PBX3: variants seen among roughly 807,000 people sequenced by gnomAD.
PBX3 encodes the protein PBX homeobox 3, also known as pre-B-cell leukemia transcription factor 3.
Under a neutral mutation model 48.5 loss-of-function variants are expected in PBX3, and 14 were observed. The observed-to-expected ratio is 0.29, with a 90% confidence interval of 0.19 to 0.45. The LOEUF (loss-of-function observed/expected upper bound fraction) is 0.45, where lower values mean the gene tolerates loss of function less well. Ranked by LOEUF, PBX3 falls within the 20% of genes least tolerant of loss-of-function variation. The probability of loss-of-function intolerance (pLI) is 1.00; values close to 1 mark genes in which losing one functional copy is unlikely to be tolerated. For missense variants in PBX3, 386 were observed against 546.7 expected (o/e 0.71, Z 2.93); for synonymous variants, 210 against 200.3 (o/e 1.05, Z -0.41).
At chr9:125,922,095 G>C (rs1203194177) in intron 3 of PBX3, among the ~76,000 whole-genome samples, 1 of 152,078 alleles carries the variant, frequency 6.6e-6, no homozygotes, top group African/African-American at 2.4e-5. Flanking sequence ...ACAAAATAAA[G>C]AAAACACCGA....
intron 2 of PBX3, among the ~76,000 whole-genome samples, chr9:125,819,493 C>T (rs1300155222): frequency 6.6e-6 from 1 of 151,884 alleles, no homozygotes; most frequent in Non-Finnish European, 1.5e-5. Flanking sequence ...CCATTGCACT[C>T]CAGCCTGGGC....
At chr9:125,930,975 A>G (rs999430206) in intron 4 of PBX3, among the ~76,000 whole-genome samples, 1 of 152,166 alleles carries the variant, frequency 6.6e-6, no homozygotes, top group Non-Finnish European at 1.5e-5. Flanking sequence ...TGAAGATTTT[A>G]TTATTCTTTT....
chr9:125,752,774 ATATAT>A lies in PBX3; in HGVS notation c.274+4154_274+4158del, dbSNP rs1836411859. 3.3e-5 allele frequency among the ~76,000 whole-genome samples: 5 copies of A among 152,298 alleles called. No individual in the cohort carries two copies. In the South Asian group the frequency reaches 1.0e-3, roughly 32 times the overall value. On this transcript the variant is annotated intron_variant, in intron 2 of 8. Transcript: ENST00000373489. ...TTTAGCAAGAAAGGTGAAAATTGTT[ATATAT>A]TAGTCTAAATGTTATTATATATTTT...
intron 2 of PBX3, among the ~76,000 whole-genome samples, chr9:125,888,373 A>G (rs1840550808): frequency 6.6e-6 from 1 of 152,224 alleles, no homozygotes. Flanking sequence ...TCAATCATTT[A>G]GTAGACAAAT....
intron 2 of PBX3, among the ~76,000 whole-genome samples, chr9:125,768,767 T>C (rs1215147018): frequency 2.0e-5 from 3 of 152,156 alleles, no homozygotes; most frequent in Non-Finnish European, 2.9e-5. Flanking sequence ...ACCAAACTTA[T>C]CAGGACAGTT....
chr9:125,891,895 C>CT (rs1349166479), intron 2 of PBX3, among the ~76,000 whole-genome samples: 1 of 152,096 alleles, frequency 6.6e-6, no homozygotes, highest in Non-Finnish European at 1.5e-5. Flanking sequence ...GAAATTAGGC[C>CT]TACCTGTTCA....
At chr9:125,931,421 G>A (rs904939064) in intron 4 of PBX3, among the ~76,000 whole-genome samples, 1 of 151,964 alleles carries the variant, frequency 6.6e-6, no homozygotes, top group Non-Finnish European at 1.5e-5. Flanking sequence ...TCCTGCTTCT[G>A]CCTCCCGAGT....
At chr9:125,898,302 C>T (rs922212868) in intron 2 of PBX3, among the ~76,000 whole-genome samples, 6 of 151,580 alleles carry the variant, frequency 4.0e-5, no homozygotes, top group Non-Finnish European at 8.9e-5. Flanking sequence ...CAAACTTTTC[C>T]CAGAAATTTT....
intron 2 of PBX3, among the ~76,000 whole-genome samples, chr9:125,835,678 A>G (rs900139603): frequency 1.3e-5 from 2 of 152,250 alleles, no homozygotes; most frequent in African/African-American, 4.8e-5. Flanking sequence ...ATCTCATCCC[A>G]GTTAAAACAG....
intron 2 of PBX3, among the ~76,000 whole-genome samples, chr9:125,803,957 T>C (rs998260551): frequency 1.3e-5 from 2 of 151,864 alleles, no homozygotes; most frequent in Non-Finnish European, 2.9e-5. Flanking sequence ...TCGTAAAAGG[T>C]GAATAACTGG....
intron 2 of PBX3, among the ~76,000 whole-genome samples, chr9:125,842,117 G>T (rs866300190): frequency 2.0e-5 from 3 of 152,072 alleles, no homozygotes; most frequent in African/African-American, 4.8e-5. Flanking sequence ...TCTGCCTTCC[G>T]ATGATGAAGT....
chr9:125,802,953 A>G (rs943831998), intron 2 of PBX3, among the ~76,000 whole-genome samples: 10 of 152,184 alleles, frequency 6.6e-5, no homozygotes, highest in African/African-American at 2.2e-4. Context: ...TGCTGGGATT[A>G]CAGGCGTGAG....
chr9:125,748,235 C>T, intron 1 of PBX3: 4 of 1,036,228 alleles, frequency 3.9e-6, no homozygotes, highest in Non-Finnish European at 4.6e-6. Context: ...CCCTCCGCAC[C>T]CGTCCCCTCC....
chr9:125,928,576 C>T (rs906954697), intron 3 of PBX3, among the ~76,000 whole-genome samples: 1 of 151,906 alleles, frequency 6.6e-6, no homozygotes, highest in African/African-American at 2.4e-5. Context: ...CGCCATTCTC[C>T]TGCCTCAGCC....
At chr9:125,890,917 G>T (rs1384621649) in intron 2 of PBX3, among the ~76,000 whole-genome samples, 1 of 152,182 alleles carries the variant, frequency 6.6e-6, no homozygotes, top group African/African-American at 2.4e-5. Flanking sequence ...AGCATTTAAT[G>T]AGTAAATCCT....
At chr9:125,855,253 C>T (rs946544679) in intron 2 of PBX3, among the ~76,000 whole-genome samples, 1 of 152,080 alleles carries the variant, frequency 6.6e-6, no homozygotes, top group Non-Finnish European at 1.5e-5. Flanking sequence ...GAATGAATAA[C>T]TGTAATATAT....
rs1344691649 is a variant in PBX3 at position 125,793,149 on chromosome 9, G to A, written c.274+44526G>A. Among the ~76,000 whole-genome samples the A allele has an allele frequency of 2.6e-5, 4 of 151,162 alleles. No individual in the cohort carries two copies. The South Asian group carries it at 6.3e-4, about 24-fold the overall frequency. On this transcript the variant is annotated intron_variant, in intron 2 of 8. Coordinates refer to ENST00000373489, the MANE Select transcript of PBX3 (RefSeq NM_006195.6). The stretch of plus-strand genomic sequence containing the variant: ...GGGCGGATCATGAGGTCAGGAGATC[G>A]AGACCATCCTGGCTAACACGGTGGA...
chr9:125,802,805 A>C (rs902601385), intron 2 of PBX3, among the ~76,000 whole-genome samples: 4 of 151,218 alleles, frequency 2.6e-5, no homozygotes, highest in African/African-American at 9.7e-5. Context: ...CAGCCTCCCG[A>C]GTAGCTGGGA....
chr9:125,802,174 A>G (rs1266360211), intron 2 of PBX3, among the ~76,000 whole-genome samples: 1 of 151,996 alleles, frequency 6.6e-6, no homozygotes. Flanking sequence ...TGACACAGGT[A>G]TATTGCGTGA....
Sources: allele counts gnomAD v4.1 joint callset (sites outside exome capture counted in the v4.1 genomes callset), GRCh38; gene constraint gnomAD v4.1.1; transcripts MANE v1.5; gene names NCBI Gene and HGNC (gene_info 2026-07-23, HGNC 2026-07-21).